UGGT2: variants seen among roughly 807,000 people sequenced by gnomAD.
The protein encoded by UGGT2 is UDP-glucose glycoprotein glucosyltransferase 2.
In UGGT2, 180 loss-of-function variants were observed where a neutral mutation model predicts 192.1. That is an observed-to-expected ratio of 0.94 (90% CI 0.83 to 1.06). UGGT2 has a LOEUF of 1.06. Ranked by LOEUF, UGGT2 falls within the 50% of genes least tolerant of loss-of-function variation. The pLI, the probability that UGGT2 is intolerant of heterozygous loss-of-function variation, is 0.00. For missense variants in UGGT2, 1,849 were observed against 1,795.7 expected (o/e 1.03, Z -0.54); for synonymous variants, 580 against 591.0 (o/e 0.98, Z 0.27).
At chr13:95,807,951 A>T (rs1884401201) in intron 38 of UGGT2, among the ~76,000 whole-genome samples, 1 of 151,976 alleles carries the variant, frequency 6.6e-6, no homozygotes, top group Non-Finnish European at 1.5e-5. Context: ...CGGCACTGAC[A>T]ATCTTTTCCA....
intron 38 of UGGT2, among the ~76,000 whole-genome samples, chr13:95,803,468 C>T (rs938272597): frequency 6.6e-6 from 1 of 152,042 alleles, no homozygotes; most frequent in Non-Finnish European, 1.5e-5. Flanking sequence ...CCATGTTGGT[C>T]AGGCTGGTCT....
chr13:96,021,402 T>C (rs2052511037), intron 4 of UGGT2, among the ~76,000 whole-genome samples: 1 of 152,188 alleles, frequency 6.6e-6, no homozygotes. Context: ...CTTTAAAAGA[T>C]GCACTAGTGA....
intron 38 of UGGT2, among the ~76,000 whole-genome samples, chr13:95,812,244 T>C (rs765736968): frequency 6.6e-5 from 10 of 152,154 alleles, no homozygotes; most frequent in Non-Finnish European, 1.5e-4. Context: ...GTACCACAAG[T>C]TATTACTCTT....
intron 12 of UGGT2, among the ~76,000 whole-genome samples, chr13:95,965,168 T>C (rs2140734766): frequency 6.6e-6 from 1 of 151,540 alleles, no homozygotes; most frequent in African/African-American, 2.4e-5. Flanking sequence ...TCAACCATTG[T>C]GGAAGTCAGT....
chr13:95,995,076 CTT>C (rs1202392709), intron 7 of UGGT2, among the ~76,000 whole-genome samples: 5 of 152,010 alleles, frequency 3.3e-5, no homozygotes, highest in Non-Finnish European at 7.4e-5. Context: ...ATGAAAAAAA[CTT>C]CCATCTTTAA....
At chr13:95,862,671 G>A (rs1019163743) in intron 31 of UGGT2, among the ~76,000 whole-genome samples, 5 of 152,102 alleles carry the variant, frequency 3.3e-5, no homozygotes, top group African/African-American at 1.2e-4. Flanking sequence ...TATTGGTACT[G>A]TTTGGAAAGA....
chr13:95,842,117 A>G (rs950564153), intron 36 of UGGT2, among the ~76,000 whole-genome samples: 2 of 152,200 alleles, frequency 1.3e-5, no homozygotes, highest in Admixed American at 1.3e-4. Flanking sequence ...AAACCATCAC[A>G]TAATTAACAT....
At chr13:95,843,451 CTTATT>C (rs1462918633) in intron 36 of UGGT2, among the ~76,000 whole-genome samples, 1 of 152,174 alleles carries the variant, frequency 6.6e-6, no homozygotes. Context: ...AATCAGATTA[CTTATT>C]TTATTATTAA....
At chr13:95,992,021 G>C (rs1370995720) in intron 7 of UGGT2, among the ~76,000 whole-genome samples, 2 of 152,110 alleles carry the variant, frequency 1.3e-5, no homozygotes, top group Non-Finnish European at 2.9e-5. Flanking sequence ...AAATTAGCTG[G>C]GAGTGGTGGC....
intron 34 of UGGT2, among the ~76,000 whole-genome samples, chr13:95,855,728 T>G (rs1889544144): frequency 6.6e-6 from 1 of 152,222 alleles, no homozygotes; most frequent in Middle Eastern, 3.4e-3. Context: ...GAGAATTTGG[T>G]TATTGGTTGA....
chr13:95,895,795 A>C (rs2047928807), intron 22 of UGGT2, among the ~76,000 whole-genome samples: 1 of 152,120 alleles, frequency 6.6e-6, no homozygotes, highest in South Asian at 2.1e-4. Context: ...AAAGCCATAA[A>C]ATAGCAAAAC....
intron 34 of UGGT2, among the ~76,000 whole-genome samples, chr13:95,855,579 G>C (rs1048809089): frequency 7.3e-5 from 11 of 149,734 alleles, no homozygotes; most frequent in African/African-American, 2.5e-4. Context: ...CTGGAGTGCA[G>C]TGGCATGATT....
chr13:95,931,731 G>A (rs905750978), intron 17 of UGGT2, among the ~76,000 whole-genome samples: 4 of 152,152 alleles, frequency 2.6e-5, no homozygotes, highest in African/African-American at 9.6e-5. Flanking sequence ...GCCGGCCTGA[G>A]TGCAGGGCCT....
At chr13:95,952,461 C>G (rs375697915) in intron 12 of UGGT2, among the ~76,000 whole-genome samples, 7 of 152,156 alleles carry the variant, frequency 4.6e-5, no homozygotes, top group African/African-American at 1.7e-4. Flanking sequence ...CTTCCATATA[C>G]CTTAAATCAT....
intron 2 of UGGT2, among the ~76,000 whole-genome samples, chr13:96,029,199 C>T (rs1341341741): frequency 1.3e-5 from 2 of 152,170 alleles, no homozygotes; most frequent in African/African-American, 2.4e-5. Flanking sequence ...TTCTTTTCCA[C>T]ATTTAACAAG....
chr13:95,801,901 TACTG>T (rs1555331064), intron 38 of UGGT2, 89 bp from the exon 39 acceptor site: 10 of 1,481,172 alleles, frequency 6.8e-6, no homozygotes, highest in Admixed American at 3.5e-5. Context: ...GAAGCACCGG[TACTG>T]ACTGAGGATC....
At chr13:95,912,388 G>T (rs1483589756) in intron 20 of UGGT2, among the ~76,000 whole-genome samples, 2 of 152,160 alleles carry the variant, frequency 1.3e-5, no homozygotes, top group African/African-American at 4.8e-5. Context: ...CTTCAGCAAA[G>T]TCTCTGGATA....
chr13:95,808,587 A>G (rs554791033), intron 38 of UGGT2, among the ~76,000 whole-genome samples: 45 of 152,310 alleles, frequency 3.0e-4, no homozygotes, highest in Middle Eastern at 6.8e-3. Flanking sequence ...CATATGTACC[A>G]AAAATCTAAA....
intron 22 of UGGT2, among the ~76,000 whole-genome samples, chr13:95,896,155 T>A (rs1261440816): frequency 1.3e-5 from 2 of 152,090 alleles, no homozygotes; most frequent in African/African-American, 4.8e-5. Flanking sequence ...ACCAGATTAT[T>A]TTTTTCTTGG....
Sources: gnomAD v4.1 joint callset for allele counts (sites outside exome capture counted in the v4.1 genomes callset) on GRCh38, gnomAD v4.1.1 for gene constraint, MANE v1.5 for transcripts, NCBI Gene and HGNC (gene_info 2026-07-23, HGNC 2026-07-21) for gene names.